The following KCNQ5 variants were observed in gnomAD, a reference collection of about 807,000 sequenced individuals.
KCNQ5 encodes potassium voltage-gated channel subfamily Q member 5, also known as potassium voltage-gated channel subfamily KQT member 5.
In KCNQ5, 30 loss-of-function variants were observed where a neutral mutation model predicts 98.2. That is an observed-to-expected ratio of 0.31 (90% confidence interval 0.23 to 0.41). The LOEUF (loss-of-function observed/expected upper bound fraction) is 0.41. Ranked by LOEUF, KCNQ5 falls within the 10% of genes least tolerant of loss-of-function variation. The pLI is 1.00. For missense variants in KCNQ5, 835 were observed against 1,182.5 expected (o/e 0.71, Z 4.31); for synonymous variants, 458 against 449.4 (o/e 1.02, Z -0.24).
intron 1 of KCNQ5, among the ~76,000 whole-genome samples, chr6:72,670,903 C>T (rs917962623): frequency 1.3e-5 from 2 of 152,128 alleles, no homozygotes; most frequent in Admixed American, 6.5e-5. Flanking sequence ...CCTGTAGACC[C>T]GGTAGGGTCT....
At chr6:73,124,842 G>C (rs1775883355) in intron 9 of KCNQ5, among the ~76,000 whole-genome samples, 1 of 150,254 alleles carries the variant, frequency 6.7e-6, no homozygotes, top group Non-Finnish European at 1.5e-5. Flanking sequence ...TGGTAATCTA[G>C]AGAATGAAAG....
In KCNQ5 at chr6:72,968,622, G is replaced by A. The variant is rs976421744; in HGVS notation, c.399-35286G>A. ...TTGTTTATGTACTTGTTTTTACAAAGTTTTACAAATGTTTTATGAAGTGGC... is the reference window on the plus strand; with the variant it reads ...TTGTTTATGTACTTGTTTTTACAAAATTTTACAAATGTTTTATGAAGTGGC... On this transcript the variant is annotated intron_variant, in intron 1 of 13. Transcript: ENST00000370398. Among the ~76,000 whole-genome samples, 3 of 152,220 alleles carry A rather than the reference G, an allele frequency of 2.0e-5. No individual in the cohort carries two copies. In the East Asian group the frequency reaches 5.8e-4, roughly 29 times the overall value.
intron 1 of KCNQ5, among the ~76,000 whole-genome samples, chr6:72,831,096 C>T (rs867962438): frequency 9.2e-5 from 14 of 151,964 alleles, no homozygotes; most frequent in African/African-American, 2.2e-4. Context: ...CTGGAGAGGA[C>T]GTGGAGAAAT....
At chr6:72,789,797 C>T (rs1773938424) in intron 1 of KCNQ5, among the ~76,000 whole-genome samples, 1 of 152,172 alleles carries the variant, frequency 6.6e-6, no homozygotes, top group Admixed American at 6.5e-5. Context: ...CACTTAGTCC[C>T]ACCTTTCTTT....
chr6:72,701,016 G>A (rs538796009), intron 1 of KCNQ5, among the ~76,000 whole-genome samples: 2 of 152,304 alleles, frequency 1.3e-5, no homozygotes, highest in East Asian at 3.9e-4. Context: ...TAAGTTCATT[G>A]TAGACATGCA....
intron 1 of KCNQ5, among the ~76,000 whole-genome samples, chr6:72,690,168 A>C (rs148027300): frequency 1.3e-5 from 2 of 152,248 alleles, no homozygotes; most frequent in African/African-American, 4.8e-5. Flanking sequence ...GCTACTCAGG[A>C]GGCTGAGGCA....
intron 1 of KCNQ5, among the ~76,000 whole-genome samples, chr6:72,752,104 T>C (rs1175240374): frequency 6.6e-6 from 1 of 152,092 alleles, no homozygotes; most frequent in African/African-American, 2.4e-5. Flanking sequence ...CAGTGAAAAG[T>C]CAAACATTTG....
At chr6:73,058,820 C>T (rs1439655864) in intron 3 of KCNQ5, among the ~76,000 whole-genome samples, 8 of 152,174 alleles carry the variant, frequency 5.3e-5, no homozygotes, top group Non-Finnish European at 1.2e-4. Context: ...AAATGCTCAA[C>T]ATTACTAATC....
At chr6:72,682,205 C>A (rs920668353) in intron 1 of KCNQ5, among the ~76,000 whole-genome samples, 4 of 151,964 alleles carry the variant, frequency 2.6e-5, no homozygotes, top group African/African-American at 4.8e-5. Context: ...ATTAAAAAAA[C>A]AAAACAAAAC....
chr6:73,075,145 A>C (rs939504720), intron 3 of KCNQ5, among the ~76,000 whole-genome samples: 2 of 152,176 alleles, frequency 1.3e-5, no homozygotes, highest in Non-Finnish European at 2.9e-5. Flanking sequence ...TTACAAAGTG[A>C]AAAGCCCCTT....
At chr6:72,643,455 A>G (rs1373399230) in intron 1 of KCNQ5, among the ~76,000 whole-genome samples, 1 of 152,132 alleles carries the variant, frequency 6.6e-6, no homozygotes, top group Non-Finnish European at 1.5e-5. Context: ...AATTCACAGG[A>G]CAAGTCTGCA....
intron 1 of KCNQ5, among the ~76,000 whole-genome samples, chr6:73,002,875 T>C (rs1168813100): frequency 6.6e-6 from 1 of 152,166 alleles, no homozygotes; most frequent in East Asian, 1.9e-4. Flanking sequence ...CCCTGGCCTT[T>C]GGGAACTTCC....
In KCNQ5 at chr6:73,196,224, T is replaced by C. The variant is rs1439072213; in HGVS notation, c.*810T>C. Reference sequence around the variant, plus strand: ...TGGTCAGTAGAACAGCCATTGTGATTGGACTGGTTTCTCTGCAATGGCGCC... The same window carrying C: ...TGGTCAGTAGAACAGCCATTGTGATCGGACTGGTTTCTCTGCAATGGCGCC... On this transcript the variant is annotated 3_prime_UTR_variant, in exon 14 of 14. Coordinates refer to ENST00000370398, the MANE Select transcript of KCNQ5 (RefSeq NM_019842.4). The C allele has an allele frequency of 2.0e-5, 3 of 152,290 alleles. No homozygotes were observed. Among genetic ancestry groups the C allele is most frequent in the Non-Finnish European group, 4.4e-5 (3 of 68,074 alleles). 9.4% of individuals were successfully genotyped at this position (152,290 alleles called of 1,614,324 possible). A position where few individuals can be genotyped will look rare whatever the true frequency, so the allele number is the denominator to read the frequency against.
At position 73,077,800 on chromosome 6, in the gene KCNQ5, T is replaced by C. The variant is rs1231712343; in HGVS notation, c.831T>C (p.Leu277=). 9.9e-6 allele frequency: 16 copies of C among 1,612,210 alleles called. No homozygotes were observed. The highest frequency in any genetic ancestry group is 2.7e-5 in the African/African-American group (2 of 74,872). Residue 277 remains leucine, a synonymous_variant, in exon 5 of 14, where the codon CTT becomes CTC. Transcript: ENST00000370398. ...ITAWYIGFLV[L]IFSSFLVYLV... ...CTTGGTACATAGGATTTTTGGTTCT[T>C]ATTTTTTCGTCTTTCCTTGTCTATC...
intron 5 of KCNQ5, among the ~76,000 whole-genome samples, chr6:73,079,289 G>A (rs550783784): frequency 6.6e-5 from 10 of 152,332 alleles, no homozygotes; most frequent in East Asian, 3.9e-4. Context: ...AAAAAACCCC[G>A]TGAGTTCTCT....
Position 73,184,613 on chromosome 6 carries a change from A to G in KCNQ5, c.1578-5960A>G, listed in dbSNP as rs188114266. 1.3e-4 allele frequency among the ~76,000 whole-genome samples: 20 copies of G among 152,372 alleles called. 1 individual carries two copies. The highest frequency in any genetic ancestry group is 4.6e-4 in the African/African-American group (19 of 41,600). ...TGAAGTAAAGAGCACAGTTCCTGGC[A>G]TGAATAAATTCCAGTGGGTGAGACA... On this transcript the variant is annotated intron_variant, in intron 11 of 13. Transcript: ENST00000370398.
intron 1 of KCNQ5, among the ~76,000 whole-genome samples, chr6:72,836,375 T>G (rs1342519179): frequency 3.9e-5 from 6 of 152,198 alleles, no homozygotes; most frequent in Non-Finnish European, 8.8e-5. Context: ...ATCTAAAATT[T>G]TTTATTGTAT....
intron 1 of KCNQ5, among the ~76,000 whole-genome samples, chr6:72,670,268 T>C (rs1287647207): frequency 6.6e-6 from 1 of 152,194 alleles, no homozygotes; most frequent in African/African-American, 2.4e-5. Context: ...TAATTATGTA[T>C]GTATTCACTA....
At chr6:72,932,961 T>C (rs1765755193) in intron 1 of KCNQ5, among the ~76,000 whole-genome samples, 1 of 152,212 alleles carries the variant, frequency 6.6e-6, no homozygotes, top group African/African-American at 2.4e-5. Context: ...AACATTGTCT[T>C]TCTCAACTAA....
Sources: gnomAD v4.1 joint callset for allele counts (sites outside exome capture counted in the v4.1 genomes callset) on GRCh38, gnomAD v4.1.1 for gene constraint, MANE v1.5 for transcripts, NCBI Gene and HGNC (gene_info 2026-07-23, HGNC 2026-07-21) for gene names.